ZFP1: variants seen among roughly 807,000 people sequenced by gnomAD.
ZFP1 encodes ZFP1 zinc finger protein, also known as zinc finger protein 1 homolog.
Under a neutral mutation model 38.5 loss-of-function variants are expected in ZFP1, and 32 were observed. That is an observed-to-expected ratio of 0.83 (90% CI 0.63 to 1.12). The LOEUF (loss-of-function observed/expected upper bound fraction) is 1.12. ZFP1 is among the 50% of genes most tolerant of loss of function. The pLI is 0.00. For missense variants in ZFP1, 616 were observed against 480.8 expected (o/e 1.28, Z -2.63); for synonymous variants, 245 against 168.8 (o/e 1.45, Z -3.50).
At chr16:75,126,354 T>G in the ZFP1 span, 1 of 152,116 alleles carries the variant, frequency 6.6e-6, no homozygotes, top group Non-Finnish European at 1.5e-5. Flanking sequence ...TTCACCATGT[T>G]GGCCAGGATG....
At chr16:75,122,285 T>A in the ZFP1 span, among the ~76,000 whole-genome samples, 11 of 152,260 alleles carry the variant, frequency 7.2e-5, no homozygotes, top group Non-Finnish European at 1.5e-4. Context: ...ATTGACTATT[T>A]TAAAAAGAGC....
intron 2 of ZFP1, among the ~76,000 whole-genome samples, chr16:75,162,217 G>A (rs2145553009): frequency 6.6e-6 from 1 of 151,986 alleles, no homozygotes; most frequent in Non-Finnish European, 1.5e-5. Flanking sequence ...GGACCTCCTT[G>A]GCTCAAGCAA....
At chr16:75,148,732 G>T (rs1376352431) in intron 1 of ZFP1, 89 bp downstream of exon 1, 2 of 152,304 alleles carry the variant, frequency 1.3e-5, no homozygotes, top group East Asian at 1.9e-4. Flanking sequence ...CAGGGTGGGA[G>T]CCCAAACTTC....
At chr16:75,130,839 A>G in the ZFP1 span, among the ~76,000 whole-genome samples, 3 of 151,698 alleles carry the variant, frequency 2.0e-5, no homozygotes, top group Admixed American at 2.0e-4. Flanking sequence ...TTGGTTGACA[A>G]AACTGAGGGA....
chr16:75,123,479 A>G, the ZFP1 span, among the ~76,000 whole-genome samples: 18,713 of 123,484 alleles, frequency 0.15, 2,828 homozygotes, highest in East Asian at 0.56. Flanking sequence ...ATATATATAT[A>G]TATATATATA....
chr16:75,169,715 A>T lies in ZFP1; in HGVS notation c.605A>T (p.His202Leu). The T allele has an allele frequency of 6.2e-7, 1 of 1,613,234 alleles. No homozygotes were observed. Among genetic ancestry groups the T allele is most frequent in the Non-Finnish European group, 8.5e-7 (1 of 1,179,590 alleles). ...TCCTTTAAGTCACTCCTCATTAGTC[A>T]TAAGAGAATACATACTGGAGAAAAG... ...AFSFKSLLIS[H>L]KRIHTGEKPY... is the part of the protein sequence containing the mutation. The change falls in exon 4 of 4, where the codon CAT becomes CTT. Residue 202 changes from histidine (H) to leucine (L), a missense_variant. Coordinates refer to ENST00000570010, the MANE Select transcript of ZFP1 (RefSeq NM_153688.4).
Position 75,171,059 on chromosome 16 carries a change from A to G in ZFP1, c.*725A>G, listed in dbSNP as rs1194127869. On this transcript the variant is annotated 3_prime_UTR_variant, in exon 4 of 4. Transcript: ENST00000570010. ...AACCGATCTATAACGTGAAGGAGGC[A>G]GACATGAGCTGTACTACTCAGTATG... is the stretch of plus-strand genomic sequence containing the variant. 1.5e-5 allele frequency: 2 copies of G among 132,952 alleles called. No individual in the cohort carries two copies. Among genetic ancestry groups the G allele is most frequent in the African/African-American group, 5.3e-5 (2 of 37,670 alleles). 8.2% of individuals were successfully genotyped at this position (132,952 alleles called of 1,614,324 possible).
the ZFP1 span, among the ~76,000 whole-genome samples, chr16:75,126,993 G>A: frequency 2.0e-5 from 3 of 152,154 alleles, no homozygotes; most frequent in Admixed American, 6.5e-5. Context: ...CCAAAATTAT[G>A]AGAAACTCCT....
In ZFP1 at chr16:75,172,166, G is replaced by C. The variant is rs1201999920; in HGVS notation, c.*1832G>C. 2.0e-5 allele frequency: 3 copies of C among 152,208 alleles called. No individual in the cohort carries two copies. Among genetic ancestry groups the C allele is most frequent in the Non-Finnish European group, 2.9e-5 (2 of 68,032 alleles). 9.4% of individuals were successfully genotyped at this position (152,208 alleles called of 1,614,324 possible). ...AACTTCTCTAGGTCAAATGAGGAAA[G>C]CAAGAGGGGAGAGAGAGAGTGTATG... On this transcript the variant is annotated 3_prime_UTR_variant, in exon 4 of 4. Transcript: ENST00000570010.
At chr16:75,140,741 C>T in the ZFP1 span, among the ~76,000 whole-genome samples, 45 of 152,282 alleles carry the variant, frequency 3.0e-4, no homozygotes, top group African/African-American at 1.0e-3. Flanking sequence ...GGGCGGATCA[C>T]GAGGTCAGGA....
rs767269507 is a variant in ZFP1, at chr16:75,169,464, C to T, written c.354C>T (p.Asp118=). 2.5e-6 allele frequency: 4 copies of T among 1,612,740 alleles called. No homozygotes were observed. The highest frequency in any genetic ancestry group is 1.7e-5 in the Admixed American group (1 of 59,620). Residue 118 remains aspartate (D), a synonymous_variant, in exon 4 of 4, where the codon GAC becomes GAT. Transcript: ENST00000570010. ...AAAAAACTTTGAAATATAATTCAGA[C>T]TTGCTTAATAGTAATAGAAGCTATG... ...LYEKTLKYNS[D]LLNSNRSYAG...
Position 75,169,391 on chromosome 16 carries a change from CAG to C in ZFP1, c.283_284del (p.Asp95LeufsTer10). ...TTTGGAAAAGCACTTAATCTGAACA[CAG>C]ACTTTGTTTCTTTAAGACAAGTACC... On this transcript the variant is annotated frameshift_variant, in exon 4 of 4. Transcript: ENST00000570010. LOFTEE classifies it high-confidence loss of function. 1 of 1,614,126 alleles carries C rather than the reference CAG, an allele frequency of 6.2e-7. No individual in the cohort carries two copies. Among genetic ancestry groups the C allele is most frequent in the Non-Finnish European group, 8.5e-7 (1 of 1,180,020 alleles).
intron 2 of ZFP1, among the ~76,000 whole-genome samples, chr16:75,160,696 C>T (rs1396135633): frequency 6.6e-6 from 1 of 151,032 alleles, no homozygotes; most frequent in Non-Finnish European, 1.5e-5. Flanking sequence ...TATTTTCTCA[C>T]AGTTCTAGAA....
chr16:75,170,486 A>G lies in ZFP1; in HGVS notation c.*152A>G. ...ATTAAAAATAGGATCCCATGAGAAC[A>G]TTATACTGGAAGTTACATGTGATAC... On this transcript the variant is annotated 3_prime_UTR_variant, in exon 4 of 4. Transcript: ENST00000570010. The G allele has an allele frequency of 1.7e-6, 2 of 1,164,922 alleles. No homozygotes were observed. Among genetic ancestry groups the G allele is most frequent in the East Asian group, 2.6e-5 (1 of 37,886 alleles). 72.2% of individuals were successfully genotyped at this position (1,164,922 alleles called of 1,614,324 possible).
At chr16:75,141,302 A>T in the ZFP1 span, among the ~76,000 whole-genome samples, 1 of 138,836 alleles carries the variant, frequency 7.2e-6, no homozygotes, top group East Asian at 2.2e-4. Flanking sequence ...TCCCGGGTTC[A>T]TGCCATTCTC....
At chr16:75,152,331 A>G (rs1384050456) in intron 1 of ZFP1, among the ~76,000 whole-genome samples, 4 of 152,178 alleles carry the variant, frequency 2.6e-5, no homozygotes, top group African/African-American at 9.7e-5. Context: ...TTACATGTTT[A>G]TTAGACCATT....
At chr16:75,124,258 A>G in the ZFP1 span, among the ~76,000 whole-genome samples, 1 of 150,070 alleles carries the variant, frequency 6.7e-6, no homozygotes, top group African/African-American at 2.4e-5. Flanking sequence ...TTCCAGGTTC[A>G]AGCGATTCTC....
chr16:75,169,738 A>T lies in ZFP1; in HGVS notation c.628A>T (p.Lys210Ter). The change falls in exon 4 of 4, where the codon AAG becomes TAG. Residue 210 changes from lysine (K) to a stop codon, truncating the protein, a stop_gained. Coordinates refer to ENST00000570010, the MANE Select transcript of ZFP1 (RefSeq NM_153688.4). LOFTEE classifies it high-confidence loss of function. ...ISHKRIHTGE[K>*]PYECNVCKKT... ...TCATAAGAGAATACATACTGGAGAA[A>T]AGCCATATGAATGCAATGTATGTAA... 6.2e-7 allele frequency: 1 copy of T among 1,613,144 alleles called. No homozygotes were observed. The highest frequency in any genetic ancestry group is 8.5e-7 in the Non-Finnish European group (1 of 1,179,586).
At chr16:75,144,210 G>GTA (rs1273818669), upstream of ZFP1, 1 of 152,198 alleles carries the variant, frequency 6.6e-6, no homozygotes, top group African/African-American at 2.4e-5. Flanking sequence ...TATCTTGTGT[G>GTA]TATGTGTGTG....
Sources: gnomAD v4.1 joint callset for allele counts (sites outside exome capture counted in the v4.1 genomes callset) on GRCh38, gnomAD v4.1.1 for gene constraint, MANE v1.5 for transcripts, NCBI Gene and HGNC (gene_info 2026-07-23, HGNC 2026-07-21) for gene names.